Variants in MVP observed in about 807,000 individuals in gnomAD.
MVP encodes lung resistance-related protein.
In MVP, 62 loss-of-function variants were observed where a neutral mutation model predicts 83.5. The ratio of observed to expected loss-of-function variants is 0.74; its 90% CI spans 0.61 to 0.92. The LOEUF (loss-of-function observed/expected upper bound fraction) is 0.92, where lower values mean the gene tolerates loss of function less well. MVP is among the 40% of genes least tolerant of loss of function. The probability of loss-of-function intolerance (pLI) is 0.00; values close to 1 mark genes in which losing one functional copy is unlikely to be tolerated. For missense variants in MVP, 1,000 were observed against 1,203.4 expected (o/e 0.83, Z 2.50); for synonymous variants, 505 against 504.1 (o/e 1.00, Z -0.02).
Position 29,820,505 on chromosome 16 carries a change from C to A in MVP, c.-41C>A, listed in dbSNP as rs940309609. The stretch of plus-strand genomic sequence containing the variant: ...GCGTTTGTTGCAGCTACCTGCACTT[C>A]TAGATGTGAGTACATTGTACTAGCC... On this transcript the variant is annotated 5_prime_UTR_variant, in exon 1 of 15. Transcript: ENST00000357402. 2 of 152,276 alleles carry A rather than the reference C, an allele frequency of 1.3e-5. No individual in the cohort carries two copies. Among genetic ancestry groups the A allele is most frequent in the African/African-American group, 4.8e-5 (2 of 41,444 alleles). 9.4% of individuals were successfully genotyped at this position (152,276 alleles called of 1,614,324 possible). A position where few individuals can be genotyped will look rare whatever the true frequency, so the allele number is the denominator to read the frequency against.
intron 5 of MVP, 170 bp from the exon 6 acceptor site, chr16:29,835,534 T>G: frequency 2.3e-6 from 1 of 439,930 alleles, no homozygotes; most frequent in South Asian, 5.1e-5. Flanking sequence ...GGTGGGGGTT[T>G]GGCCTCAAAA....
At chr16:29,822,019 A>G (rs2067365524) in intron 1 of MVP, among the ~76,000 whole-genome samples, 2 of 151,384 alleles carry the variant, frequency 1.3e-5, no homozygotes. Flanking sequence ...TGAGGCCAGG[A>G]GTTCCAGACC....
chr16:29,824,227 A>C (rs1442122965), intron 1 of MVP, among the ~76,000 whole-genome samples: 3 of 149,926 alleles, frequency 2.0e-5, no homozygotes, highest in Non-Finnish European at 3.0e-5. Flanking sequence ...AAAAAAAAAA[A>C]AAAAAAAAAA....
intron 12 of MVP, 67 bp from the exon 13 acceptor site, chr16:29,846,091 C>T: frequency 6.2e-7 from 1 of 1,602,372 alleles, no homozygotes; most frequent in Non-Finnish European, 8.5e-7. Context: ...ACGGCTACAG[C>T]ATAAGCCAAG....
rs749896094 is a variant in MVP, at chr16:29,836,801, T to C, written c.752T>C (p.Val251Ala). ...VSRRTGEEWLVTVQDTEAHVP... is the reference protein window; with the variant it reads ...VSRRTGEEWLATVQDTEAHVP... ...CGCCGCACTGGGGAGGAGTGGCTGG[T>C]AACAGTGCAGGACACAGAGGCCCAC... is the stretch of plus-strand genomic sequence containing the variant. Residue 251 changes from valine (V) to alanine (A), a missense_variant, in exon 7 of 15, where the codon GTA becomes GCA. Val to Ala is a moderately conservative substitution (Grantham distance 64, BLOSUM62 0). Coordinates refer to ENST00000357402, the MANE Select transcript of MVP (RefSeq NM_005115.5). 6.2e-7 allele frequency: 1 copy of C among 1,611,898 alleles called. No homozygotes were observed. The highest frequency in any genetic ancestry group is 1.7e-4 in the Middle Eastern group (1 of 6,050).
At chr16:29,826,047 C>T (rs1352882568) in intron 1 of MVP, 1 of 152,272 alleles carries the variant, frequency 6.6e-6, no homozygotes, top group Non-Finnish European at 1.5e-5. Context: ...TGAAATAAGC[C>T]ACTGACCAGT....
chr16:29,841,476 A>C lies in MVP; in HGVS notation c.1192-120A>C. On this transcript the variant is annotated intron_variant, in intron 8 of 14. Coordinates refer to ENST00000357402, the MANE Select transcript of MVP (RefSeq NM_005115.5). The surrounding 1 kb of genome is among the most constrained non-coding windows in gnomAD (Gnocchi z 4.7). ...CCGGGGTGGAGCCTGGCCTCCCCGT[A>C]GAGAAGGTGTTTAACCTCGTGGCGC... 3 of 1,296,018 alleles carry C rather than the reference A, an allele frequency of 2.3e-6. No individual in the cohort carries two copies. Among genetic ancestry groups the C allele is most frequent in the South Asian group, 1.6e-5 (1 of 63,910 alleles). 80.3% of individuals were successfully genotyped at this position (1,296,018 alleles called of 1,614,324 possible).
chr16:29,829,454 CAAAAAAA>C (rs34314929), intron 1 of MVP, among the ~76,000 whole-genome samples: 106 of 52,646 alleles, frequency 2.0e-3, no homozygotes, highest in African/African-American at 7.0e-3. Context: ...GACTCCGTCT[CAAAAAAA>C]AAAAAAAAAA....
intron 5 of MVP, 89 bp from the exon 6 acceptor site, chr16:29,835,615 G>A: frequency 9.4e-7 from 1 of 1,063,382 alleles, no homozygotes; most frequent in Non-Finnish European, 1.4e-6. Context: ...TATGAAATCT[G>A]TCAATCCCCT....
At chr16:29,824,563 G>C (rs2067392188) in intron 1 of MVP, among the ~76,000 whole-genome samples, 1 of 152,218 alleles carries the variant, frequency 6.6e-6, no homozygotes, top group South Asian at 2.1e-4. Context: ...TCAGGAGTTT[G>C]AGACCACCCT....
intron 13 of MVP, 51 bp downstream of exon 13, chr16:29,846,335 G>T (rs1567397147): frequency 6.6e-7 from 1 of 1,523,276 alleles, no homozygotes; most frequent in East Asian, 2.5e-5. Flanking sequence ...CCTGGAAAAG[G>T]CCCATTCCCT....
Position 29,830,888 on chromosome 16 carries a change from GC to G in MVP, c.141del (p.Met48CysfsTer4). On this transcript the variant is annotated frameshift_variant, in exon 3 of 15. Transcript: ENST00000357402. LOFTEE classifies it high-confidence loss of function. ...IRQDNERVLF[A>X]PMRMVTVPPR... is the part of the protein sequence containing the mutation. Reference sequence around the variant, plus strand: ...CTCATCTTCCTGCAGGGTACTGTTTGCCCCCATGCGCATGGTGACCGTCCCC... The same window carrying G: ...CTCATCTTCCTGCAGGGTACTGTTTGCCCCATGCGCATGGTGACCGTCCCC... 1 of 1,611,872 alleles carries G rather than the reference GC, an allele frequency of 6.2e-7. No homozygotes were observed. Among genetic ancestry groups the G allele is most frequent in the Non-Finnish European group, 8.5e-7 (1 of 1,178,396 alleles).
intron 1 of MVP, among the ~76,000 whole-genome samples, chr16:29,829,141 G>A (rs963364624): frequency 4.7e-5 from 7 of 148,626 alleles, no homozygotes; most frequent in African/African-American, 1.8e-4. Flanking sequence ...ACAGGCATGA[G>A]CCACTGCACC....
chr16:29,832,996 C>G (rs1017454898), intron 3 of MVP, among the ~76,000 whole-genome samples: 1 of 150,852 alleles, frequency 6.6e-6, no homozygotes, highest in African/African-American at 2.4e-5. Context: ...ACCTGGGAGG[C>G]GGAGATTGCA....
At position 29,836,949 on chromosome 16, in the gene MVP, C is replaced by A; in HGVS notation, c.900C>A (p.Arg300=). The A allele has an allele frequency of 6.2e-7, 1 of 1,611,604 alleles. No homozygotes were observed. The highest frequency in any genetic ancestry group is 8.5e-7 in the Non-Finnish European group (1 of 1,178,632). Residue 300 remains arginine (R), a synonymous_variant, in exon 7 of 15, where the codon CGC becomes CGA. Coordinates refer to ENST00000357402, the MANE Select transcript of MVP (RefSeq NM_005115.5). ...PDGKNQLGQK[R]VVKGEKSFFL... ...GCAAGAATCAGCTGGGGCAGAAGCG[C>A]GTGGTCAAGGTGAGGTCCCTACACC...
At chr16:29,828,446 C>A (rs1465468395) in intron 1 of MVP, among the ~76,000 whole-genome samples, 1 of 152,168 alleles carries the variant, frequency 6.6e-6, no homozygotes, top group Non-Finnish European at 1.5e-5. Context: ...ATGGCACGAT[C>A]TCTGCTCACT....
In MVP at chr16:29,840,387, G is replaced by T; in HGVS notation, c.1119G>T (p.Val373=). 6.3e-7 allele frequency: 1 copy of T among 1,597,264 alleles called. No homozygotes were observed. Among genetic ancestry groups the T allele is most frequent in the Non-Finnish European group, 8.5e-7 (1 of 1,172,870 alleles). Residue 373 remains valine (V), a synonymous_variant, in exon 8 of 15, where the codon GTG becomes GTT. Transcript: ENST00000357402. ...ATGTGCCATCTGCCAAAGTGGAGGT[G>T]GTGGAGGAGCGCCAGGCCATCCCTC... is the stretch of plus-strand genomic sequence containing the variant. The part of the protein sequence containing the change: ...LEYVPSAKVE[V]VEERQAIPLD...
rs61338952 is a variant in MVP, at chr16:29,824,211, C to CAA, written c.-36+3730_-36+3731dup. Among the ~76,000 whole-genome samples the CAA allele has an allele frequency of 5.3e-3, 209 of 39,654 alleles. 26 individuals carry two copies. The highest frequency in any genetic ancestry group is 8.1e-3 in the South Asian group (5 of 618). The allele number at this position is 39,654 out of a possible 152,430, so 26.0% of individuals were successfully genotyped here. Reference sequence around the variant, plus strand: ...GGGCAACAAGCACGAAACTCCATCTCAAAAAAAAAAAAAAAAAAAAAAAAA... The same window carrying CAA: ...GGGCAACAAGCACGAAACTCCATCTCAAAAAAAAAAAAAAAAAAAAAAAAAAA... On this transcript the variant is annotated intron_variant, in intron 1 of 14. Coordinates refer to ENST00000357402, the MANE Select transcript of MVP (RefSeq NM_005115.5).
chr16:29,831,210 G>A, intron 3 of MVP, 137 bp downstream of exon 3: 1 of 861,714 alleles, frequency 1.2e-6, no homozygotes, highest in Non-Finnish European at 1.7e-6. Flanking sequence ...AGGCTGGAGT[G>A]CAGTGGCATA....
Sources: allele counts gnomAD v4.1 joint callset (sites outside exome capture counted in the v4.1 genomes callset), GRCh38; gene constraint gnomAD v4.1.1; non-coding constraint Gnocchi (gnomAD v3.1); transcripts MANE v1.5; gene names NCBI Gene and HGNC (gene_info 2026-07-23, HGNC 2026-07-21).